The following NMI variants were observed in gnomAD, a reference collection of about 807,000 sequenced individuals.
NMI encodes the protein N-myc and STAT interactor.
NMI carries 39 observed loss-of-function variants against 34.3 expected under a neutral mutation model. The observed-to-expected ratio is 1.14, with a 90% CI of 0.88 to 1.49. NMI has a LOEUF of 1.49. NMI is among the 40% of genes most tolerant of loss of function. The probability of loss-of-function intolerance (pLI) is 0.00; values close to 1 mark genes in which losing one functional copy is unlikely to be tolerated. For missense variants in NMI, 339 were observed against 358.1 expected (o/e 0.95, Z 0.43); for synonymous variants, 113 against 120.3 (o/e 0.94, Z 0.40).
chr2:151,282,924 G>T lies in NMI; in HGVS notation c.25C>A (p.Gln9Lys). 1 of 1,529,884 alleles carries T rather than the reference G, an allele frequency of 6.5e-7. No homozygotes were observed. The highest frequency in any genetic ancestry group is 8.8e-7 in the Non-Finnish European group (1 of 1,133,460). 94.8% of individuals were successfully genotyped at this position (1,529,884 alleles called of 1,614,324 possible). A position where few individuals can be genotyped will look rare whatever the true frequency, so the allele number is the denominator to read the frequency against. The stretch of plus-strand genomic sequence containing the variant: ...GGCGAATGCTCCTTAAGAATTTGTT[G>T]TGTGTCATCTTTATCAGCTTCCATG... MEADKDDT[Q>K]QILKEHSPDE... The change falls in exon 2 of 8, where the codon CAA becomes AAA. Residue 9 changes from glutamine to lysine, a missense_variant. By Grantham distance (53) the Gln-to-Lys change is moderately conservative. Transcript: ENST00000243346.
intron 1 of NMI, among the ~76,000 whole-genome samples, chr2:151,285,189 C>A (rs1473001355): frequency 6.6e-6 from 1 of 152,094 alleles, no homozygotes; most frequent in African/African-American, 2.4e-5. Context: ...AAAGTACATA[C>A]ACAGAATTGA....
chr2:151,285,408 TAGAC>T (rs1221793841), intron 1 of NMI, among the ~76,000 whole-genome samples: 1 of 150,750 alleles, frequency 6.6e-6, no homozygotes, highest in Non-Finnish European at 1.5e-5. Context: ...GATAGATAAA[TAGAC>T]AGACAGATAG....
intron 3 of NMI, among the ~76,000 whole-genome samples, chr2:151,281,370 G>A (rs190737576): frequency 6.6e-6 from 1 of 152,278 alleles, no homozygotes; most frequent in Admixed American, 6.5e-5. Context: ...ATTTGCTAAT[G>A]ACCATCTTTT....
chr2:151,281,451 T>A (rs536111580), intron 3 of NMI, among the ~76,000 whole-genome samples: 4 of 152,192 alleles, frequency 2.6e-5, no homozygotes, highest in African/African-American at 9.6e-5. Flanking sequence ...GAAAAATGCA[T>A]GTATCATTAA....
intron 4 of NMI, among the ~76,000 whole-genome samples, chr2:151,276,647 T>C (rs1377795144): frequency 6.6e-6 from 1 of 152,218 alleles, no homozygotes; most frequent in African/African-American, 2.4e-5. Flanking sequence ...CAATTAGTCT[T>C]GATTTTACTT....
chr2:151,271,640 A>G lies in NMI; in HGVS notation c.727T>C (p.Leu243=), dbSNP rs1683189026. 1.3e-6 allele frequency: 2 copies of G among 1,518,616 alleles called. No homozygotes were observed. The highest frequency in any genetic ancestry group is 2.3e-5 in the South Asian group (2 of 88,040). The allele number at this position is 1,518,616 out of a possible 1,614,324, so 94.1% of individuals were successfully genotyped here. A position where few individuals can be genotyped will look rare whatever the true frequency, so the allele number is the denominator to read the frequency against. ...GATGACTTTACCTGATACTTTTTCA[A>G]GTGTATTTCTGTGTATGGAGAAACA... The part of the protein sequence containing the change: ...VTVSPYTEIH[L]KKYQIFSGTS... Residue 243 remains leucine, a synonymous_variant, in exon 7 of 8, where the codon TTG becomes CTG. Coordinates refer to ENST00000243346, the MANE Select transcript of NMI (RefSeq NM_004688.3).
At chr2:151,274,478 C>CTTT (rs754607240) in intron 6 of NMI, among the ~76,000 whole-genome samples, 2 of 125,676 alleles carry the variant, frequency 1.6e-5, no homozygotes, top group Non-Finnish European at 3.2e-5. Context: ...GGAAATGTCT[C>CTTT]TTTTTGTTTT....
In NMI at chr2:151,280,763, C is replaced by G. The variant is rs16829897; in HGVS notation, c.177+1185G>C. 7.4e-3 allele frequency among the ~76,000 whole-genome samples: 1,129 copies of G among 152,240 alleles called. 26 individuals are homozygous for G. The East Asian group carries it at 0.084, about 11-fold the overall frequency. ...TAACAGAGTCTTCTGCACAAAGTCA[C>G]CCATCTCATAAACACAGAAAACCTC... is the stretch of plus-strand genomic sequence containing the variant. On this transcript the variant is annotated intron_variant, in intron 3 of 7. Coordinates refer to ENST00000243346, the MANE Select transcript of NMI (RefSeq NM_004688.3).
chr2:151,282,771 C>A, intron 2 of NMI, 97 bp downstream of exon 2: 2 of 605,976 alleles, frequency 3.3e-6, no homozygotes, highest in Non-Finnish European at 5.5e-6. Context: ...CTCCCAAATT[C>A]AAGGTAATGT....
intron 7 of NMI, among the ~76,000 whole-genome samples, chr2:151,271,425 G>A (rs774025137): frequency 6.6e-6 from 1 of 152,142 alleles, no homozygotes; most frequent in Non-Finnish European, 1.5e-5. Context: ...TTTAAAAATT[G>A]TATAATAAAG....
At chr2:151,285,406 A>ATAGATAG (rs1558878456) in intron 1 of NMI, among the ~76,000 whole-genome samples, 1 of 135,938 alleles carries the variant, frequency 7.4e-6, no homozygotes, top group African/African-American at 3.3e-5. Context: ...TAGATAGATA[A>ATAGATAG]ATAGACAGAC....
rs139245915 is a variant in NMI, at chr2:151,275,175, G to A, written c.634+309C>T. On this transcript the variant is annotated intron_variant, in intron 6 of 7. Coordinates refer to ENST00000243346, the MANE Select transcript of NMI (RefSeq NM_004688.3). ...TTTTTGTATTTTTAGTAGAGATGGG[G>A]TTTCGCCATGTTGGACAGGCTGGTC... is the stretch of plus-strand genomic sequence containing the variant. Among the ~76,000 whole-genome samples the A allele has an allele frequency of 7.4e-3, 1,123 of 152,042 alleles. 26 individuals are homozygous for A. In the East Asian group the frequency reaches 0.084, roughly 11 times the overall value.
intron 4 of NMI, chr2:151,277,353 C>A (rs559116213): frequency 6.6e-6 from 1 of 152,326 alleles, no homozygotes; most frequent in African/African-American, 2.4e-5. Context: ...CTTCCACAAA[C>A]CCCCAACATC....
At chr2:151,282,631 A>G (rs543047491) in intron 2 of NMI, 110 of 293,666 alleles carry the variant, frequency 3.7e-4, no homozygotes, top group African/African-American at 2.2e-3. Flanking sequence ...TGCAAATCCA[A>G]GAAATGAGGG....
intron 2 of NMI, among the ~76,000 whole-genome samples, chr2:151,282,251 A>G (rs1354042705): frequency 1.3e-5 from 2 of 152,216 alleles, no homozygotes; most frequent in Non-Finnish European, 2.9e-5. Context: ...TACTATCTCC[A>G]TTATATAAAT....
intron 1 of NMI, chr2:151,289,140 C>T (rs2113508): frequency 0.36 from 54,314 of 150,698 alleles, 11,894 homozygotes; most frequent in Admixed American, 0.51. Context: ...CCCAGCTACT[C>T]TACTCGGGAG....
rs12328560 is a variant in NMI, at chr2:151,282,697, T to C, written c.81+171A>G. On this transcript the variant is annotated intron_variant, in intron 2 of 7. Transcript: ENST00000243346. ...CCTTATAAGAGAAAGAATAAAAATA[T>C]GACACTTCTTGTAAGGCTTAAATAA... 7 of 413,054 alleles carry C rather than the reference T, an allele frequency of 1.7e-5. No individual in the cohort carries two copies. The South Asian group carries it at 3.6e-4, about 21-fold the overall frequency. The allele number at this position is 413,054 out of a possible 1,614,324, so 25.6% of individuals were successfully genotyped here. A position where few individuals can be genotyped will look rare whatever the true frequency, so the allele number is the denominator to read the frequency against.
At chr2:151,286,334 A>G (rs1683495519) in intron 1 of NMI, among the ~76,000 whole-genome samples, 1 of 152,228 alleles carries the variant, frequency 6.6e-6, no homozygotes, top group Non-Finnish European at 1.5e-5. Context: ...AAAAGTTTCA[A>G]GTTCAGAAGG....
chr2:151,283,040 G>C (rs1051115859), intron 1 of NMI, 86 bp from the exon 2 acceptor site: 14 of 583,416 alleles, frequency 2.4e-5, no homozygotes, highest in Non-Finnish European at 3.9e-5. Context: ...ACCCTTTTAT[G>C]GAAGAAACAT....
Sources: allele counts gnomAD v4.1 joint callset (sites outside exome capture counted in the v4.1 genomes callset), GRCh38; gene constraint gnomAD v4.1.1; transcripts MANE v1.5; gene names NCBI Gene and HGNC (gene_info 2026-07-23, HGNC 2026-07-21).